Variants in VPS39 observed in about 807,000 individuals in gnomAD.
The protein encoded by VPS39 is VPS39 subunit of HOPS complex, also known as vam6/Vps39-like protein.
In VPS39, 70 loss-of-function variants were observed where a neutral mutation model predicts 121.0. The observed-to-expected ratio is 0.58, with a 90% CI of 0.48 to 0.71. VPS39 has a LOEUF of 0.71. VPS39 is among the 30% of genes least tolerant of loss of function. VPS39 has a pLI of 0.00. For synonymous variants in VPS39, 378 were observed against 398.1 expected, an observed-to-expected ratio of 0.95 and a Z score of 0.60; for missense variants, 818 against 1,051.5, an observed-to-expected ratio of 0.78 and a Z score of 3.07.
chr15:42,182,644 C>T (rs954177575), intron 8 of VPS39, among the ~76,000 whole-genome samples: 1 of 152,206 alleles, frequency 6.6e-6, no homozygotes, highest in African/African-American at 2.4e-5. Flanking sequence ...GGAGACAGAT[C>T]GCTCACGTGT....
At chr15:42,198,366 T>A (rs114967117) in intron 2 of VPS39, among the ~76,000 whole-genome samples, 2,173 of 151,896 alleles carry the variant, frequency 0.014, 48 homozygotes, top group African/African-American at 0.05. Flanking sequence ...AAAAAAGAAA[T>A]TTTTTTTTGA....
chr15:42,202,145 T>C (rs1158056854), intron 1 of VPS39, among the ~76,000 whole-genome samples: 2 of 151,936 alleles, frequency 1.3e-5, no homozygotes, highest in African/African-American at 4.8e-5. Flanking sequence ...TCAAAAAAAA[T>C]GGGTGTCAGC....
At chr15:42,179,262 C>G (rs947962827) in intron 8 of VPS39, among the ~76,000 whole-genome samples, 131 of 152,166 alleles carry the variant, frequency 8.6e-4, no homozygotes, top group African/African-American at 2.9e-3. Flanking sequence ...CTTTCATTCT[C>G]TTAGAAAAGT....
chr15:42,182,130 A>G (rs1351506150), intron 8 of VPS39, among the ~76,000 whole-genome samples: 1 of 152,270 alleles, frequency 6.6e-6, no homozygotes, highest in Non-Finnish European at 1.5e-5. Flanking sequence ...TAACTTGAGA[A>G]CTAAGTTATA....
chr15:42,203,013 C>CTT (rs956697174), intron 1 of VPS39, among the ~76,000 whole-genome samples: 1 of 147,968 alleles, frequency 6.8e-6, no homozygotes, highest in Non-Finnish European at 1.5e-5. Context: ...TTTTAATTTA[C>CTT]TTTTTTTTTT....
intron 2 of VPS39, among the ~76,000 whole-genome samples, chr15:42,197,066 T>A (rs1420356295): frequency 3.3e-5 from 5 of 150,830 alleles, no homozygotes; most frequent in Non-Finnish European, 5.9e-5. Context: ...CAGCAAACTA[T>A]TGCAAGGACA....
At chr15:42,193,706 C>A (rs1049171488) in intron 2 of VPS39, among the ~76,000 whole-genome samples, 23 of 152,246 alleles carry the variant, frequency 1.5e-4, no homozygotes, top group African/African-American at 5.3e-4. Flanking sequence ...CAGAAAAAAT[C>A]TTTAATTATG....
Position 42,167,387 on chromosome 15 carries a change from A to G in VPS39, c.1377+7T>C. 1 of 1,613,998 alleles carries G rather than the reference A, an allele frequency of 6.2e-7. No individual in the cohort carries two copies. The highest frequency in any genetic ancestry group is 8.5e-7 in the Non-Finnish European group (1 of 1,179,916). On this transcript the variant is annotated splice_region_variant and intron_variant, in intron 13 of 24. Coordinates refer to ENST00000318006, the MANE Select transcript of VPS39 (RefSeq NM_015289.5). ...AATTGTGGCACCCGAGCGCTCAGGT[A>G]ACTCACATGGAGATAGCACTTGAGC...
intron 4 of VPS39, among the ~76,000 whole-genome samples, chr15:42,190,016 T>C (rs2049794819): frequency 6.6e-6 from 1 of 151,904 alleles, no homozygotes; most frequent in South Asian, 2.1e-4. Context: ...GGTCTCCCTG[T>C]GTTGCCCAGG....
At chr15:42,193,032 G>A (rs376237844) in intron 2 of VPS39, among the ~76,000 whole-genome samples, 12 of 151,972 alleles carry the variant, frequency 7.9e-5, no homozygotes, top group South Asian at 2.1e-4. Context: ...CACCCACCTC[G>A]GCCTTCCAAA....
At chr15:42,194,575 G>C (rs924478547) in intron 2 of VPS39, among the ~76,000 whole-genome samples, 1 of 152,054 alleles carries the variant, frequency 6.6e-6, no homozygotes, top group Non-Finnish European at 1.5e-5. Context: ...TTTACAAGAA[G>C]TGAAAAAACT....
In VPS39 at chr15:42,161,976, T is replaced by C. The variant is rs980081407; in HGVS notation, c.2460+56A>G. ...TTGGTCAGAAGGGAACATGTGGACATTGTCTCATACTAAAAGTTAAAAGCC... is the reference window on the plus strand; with the variant it reads ...TTGGTCAGAAGGGAACATGTGGACACTGTCTCATACTAAAAGTTAAAAGCC... On this transcript the variant is annotated intron_variant, in intron 23 of 24. Coordinates refer to ENST00000318006, the MANE Select transcript of VPS39 (RefSeq NM_015289.5). The C allele has an allele frequency of 3.7e-6, 6 of 1,609,878 alleles. No homozygotes were observed. The Admixed American group carries it at 6.7e-5, about 18-fold the overall frequency.
rs1361911807 is a variant in VPS39, at chr15:42,178,234, A to C, written c.944T>G (p.Leu315Trp). Residue 315 changes from leucine (L) to tryptophan (W), a missense_variant, in exon 10 of 25, where the codon TTG becomes TGG. Transcript: ENST00000318006. ...QQLLQDKQFELALQLAEMKDD... is the reference protein window; with the variant it reads ...QQLLQDKQFEWALQLAEMKDD... Reference sequence around the variant, plus strand: ...AAGACTTACTGCGAGCTGCAGAGCCAATTCAAACTGCTTGTCCTGGAGAAG... The same window carrying C: ...AAGACTTACTGCGAGCTGCAGAGCCCATTCAAACTGCTTGTCCTGGAGAAG... The C allele has an allele frequency of 6.2e-7, 1 of 1,614,200 alleles. No homozygotes were observed. Among genetic ancestry groups the C allele is most frequent in the East Asian group, 2.2e-5 (1 of 44,880 alleles).
chr15:42,178,195 G>C (rs755639218), intron 10 of VPS39, 23 bp downstream of exon 10: 2 of 1,613,780 alleles, frequency 1.2e-6, no homozygotes, highest in African/African-American at 2.7e-5. Context: ...AAGGAAGGAA[G>C]ACTAGTCAGG....
intron 12 of VPS39, 55 bp from the exon 13 acceptor site, chr15:42,167,592 T>C (rs1270583746): frequency 1.9e-6 from 3 of 1,594,734 alleles, no homozygotes; most frequent in African/African-American, 1.3e-5. Flanking sequence ...CTTTGTCATC[T>C]GAGCTACTGG....
At chr15:42,190,825 T>C (rs542655061) in intron 4 of VPS39, among the ~76,000 whole-genome samples, 89 of 152,376 alleles carry the variant, frequency 5.8e-4, no homozygotes, top group African/African-American at 2.0e-3. Flanking sequence ...GTCTCAAAGA[T>C]AGCAACTATG....
chr15:42,166,914 C>A lies in VPS39; in HGVS notation c.1378-1G>T. 3 of 1,614,182 alleles carry A rather than the reference C, an allele frequency of 1.9e-6. No individual in the cohort carries two copies. The South Asian group carries it at 3.3e-5, about 18-fold the overall frequency. ...AGGGGGCCACCAGGGCCACATTTGT[C>A]TGCAGAAAGAGCAGGAGTTCAGTGG... is the stretch of plus-strand genomic sequence containing the variant. On this transcript the variant is annotated splice_acceptor_variant, in intron 13 of 24. Coordinates refer to ENST00000318006, the MANE Select transcript of VPS39 (RefSeq NM_015289.5). LOFTEE classifies it high-confidence loss of function.
rs151215977 is a variant in VPS39, at chr15:42,199,226, T to C, written c.139+670A>G. On this transcript the variant is annotated intron_variant, in intron 2 of 24. Transcript: ENST00000318006. ...AACAAGGAAGGGCAGTGAGGTACTT[T>C]CTGCCCCAATAAAAAACACTCTTTA... is the stretch of plus-strand genomic sequence containing the variant. Among the ~76,000 whole-genome samples, 231 of 152,294 alleles carry C rather than the reference T, an allele frequency of 1.5e-3. 4 individuals are homozygous for C. The highest frequency in any genetic ancestry group is 5.5e-3 in the African/African-American group (229 of 41,566).
chr15:42,191,412 T>C, intron 3 of VPS39, 84 bp downstream of exon 3: 1 of 1,385,054 alleles, frequency 7.2e-7, no homozygotes, highest in East Asian at 2.3e-5. Context: ...GATTCAGAGT[T>C]AATAAATAAC....
Sources: allele counts gnomAD v4.1 joint callset (sites outside exome capture counted in the v4.1 genomes callset), GRCh38; gene constraint gnomAD v4.1.1; transcripts MANE v1.5; gene names NCBI Gene and HGNC (gene_info 2026-07-23, HGNC 2026-07-21).